The following CDHR2 variants were observed in gnomAD, a reference collection of about 807,000 sequenced individuals.
The protein encoded by CDHR2 is cadherin related family member 2.
CDHR2 carries 104 observed loss-of-function variants against 138.6 expected under a neutral mutation model. That is an observed-to-expected ratio of 0.75 (90% confidence interval 0.64 to 0.88). The LOEUF is 0.88. Ranked by LOEUF, CDHR2 falls within the 40% of genes least tolerant of loss-of-function variation. The pLI is 0.00. For synonymous variants in CDHR2, 755 were observed against 742.8 expected, an observed-to-expected ratio of 1.02 and a Z score of -0.27; for missense variants, 1,624 against 1,727.6, an observed-to-expected ratio of 0.94 and a Z score of 1.06.
chr5:176,578,536 T>A lies in CDHR2; in HGVS notation c.1746T>A (p.Asn582Lys), dbSNP rs748721653. 5 of 1,614,140 alleles carry A rather than the reference T, an allele frequency of 3.1e-6. No homozygotes were observed. Among genetic ancestry groups the A allele is most frequent in the East Asian group, 2.2e-5 (1 of 44,886 alleles). Residue 582 changes from asparagine (N) to lysine (K), a missense_variant, in exon 16 of 32, where the codon AAT becomes AAA. Coordinates refer to ENST00000261944, the MANE Select transcript of CDHR2 (RefSeq NM_017675.6). ...LQIHLLDINDNAPVVSGSYNI... is the reference protein window; with the variant it reads ...LQIHLLDINDKAPVVSGSYNI... ...TCCACCTGCTGGACATCAACGACAA[T>A]GCACCCGTGGTTAGCGGCTCCTACA...
chr5:176,595,518 C>T lies in CDHR2; in HGVS notation c.3793-14C>T. 1.3e-6 allele frequency: 2 copies of T among 1,583,368 alleles called. No individual in the cohort carries two copies. The highest frequency in any genetic ancestry group is 1.7e-6 in the Non-Finnish European group (2 of 1,163,346). On this transcript the variant is annotated splice_polypyrimidine_tract_variant and intron_variant, in intron 31 of 31. Coordinates refer to ENST00000261944, the MANE Select transcript of CDHR2 (RefSeq NM_017675.6). The stretch of plus-strand genomic sequence containing the variant: ...TTGCCTTGCCCTTCACACCTCCTCT[C>T]CCTCTCCCTGCAGGAGCACAGGCCA...
intron 31 of CDHR2, 30 bp downstream of exon 31, chr5:176,592,810 G>T (rs1351669552): frequency 6.2e-7 from 1 of 1,605,536 alleles, no homozygotes; most frequent in South Asian, 1.1e-5. Context: ...GGTGCCTGGA[G>T]GTTCCAACTT....
chr5:176,548,143 A>G (rs1024076373), upstream of CDHR2, among the ~76,000 whole-genome samples: 2 of 152,234 alleles, frequency 1.3e-5, no homozygotes, highest in Non-Finnish European at 2.9e-5. Context: ...TTGTGCATGT[A>G]AACACAGAAA....
chr5:176,571,289 C>T lies in CDHR2; in HGVS notation c.392C>T (p.Thr131Ile). ...APVFQNTAFS[T>I]SINETLPVGS... is the part of the protein sequence containing the mutation. ...GTTTTCCAGAACACCGCTTTCTCCA[C>T]CAGCATCAACGAGGTGACACCTGCC... Residue 131 changes from threonine to isoleucine, a missense_variant, in exon 6 of 32, where the codon ACC (threonine) becomes ATC (isoleucine). Thr to Ile is a moderately conservative substitution (Grantham distance 89). Around this residue, in one of 3 missense-constraint regions of CDHR2, gnomAD observed 1,061 missense variants for 1,136.6 expected, o/e 0.93. Transcript: ENST00000261944. 4 of 1,607,098 alleles carry T rather than the reference C, an allele frequency of 2.5e-6. No homozygotes were observed. Among genetic ancestry groups the T allele is most frequent in the Non-Finnish European group, 2.5e-6 (3 of 1,176,916 alleles).
chr5:176,588,420 A>T lies in CDHR2; in HGVS notation c.2857-611A>T, dbSNP rs1186073670. 3.4e-5 allele frequency among the ~76,000 whole-genome samples: 5 copies of T among 147,070 alleles called. No individual in the cohort carries two copies. The East Asian group carries it at 1.0e-3, about 30-fold the overall frequency. On this transcript the variant is annotated intron_variant, in intron 21 of 31. Transcript: ENST00000261944. ...GAGTGCATGAGAGAGTGAGGGTGTG[A>T]GTGTGTGTGTCAGGATAAGTGTGTG...
intron 5 of CDHR2, among the ~76,000 whole-genome samples, chr5:176,570,520 A>G (rs1164651057): frequency 6.6e-6 from 1 of 152,044 alleles, no homozygotes; most frequent in Non-Finnish European, 1.5e-5. Context: ...CTAATTTTAA[A>G]ATTTTTTGTA....
chr5:176,558,815 C>G (rs955644115), intron 1 of CDHR2, among the ~76,000 whole-genome samples: 9 of 152,166 alleles, frequency 5.9e-5, no homozygotes, highest in African/African-American at 2.2e-4. Context: ...CCACCGCGCC[C>G]GGTTGCTTGC....
At chr5:176,591,669 C>T (rs374957102) in intron 30 of CDHR2, 185 bp downstream of exon 30, 45 of 594,872 alleles carry the variant, frequency 7.6e-5, no homozygotes, top group African/African-American at 6.2e-4. Context: ...GCAATGGTGA[C>T]AGTGGTGATG....
intron 31 of CDHR2, among the ~76,000 whole-genome samples, chr5:176,593,840 G>A (rs564968330): frequency 5.9e-5 from 9 of 152,152 alleles, no homozygotes; most frequent in East Asian, 3.8e-4. Context: ...GGTATAACAC[G>A]GTACAGGGAA....
intron 1 of CDHR2, among the ~76,000 whole-genome samples, chr5:176,558,532 T>G (rs1199956540): frequency 2.0e-5 from 3 of 151,770 alleles, no homozygotes; most frequent in African/African-American, 7.3e-5. Flanking sequence ...TACAGGCATG[T>G]GCCACCACGC....
rs1425026909 is a variant in CDHR2, at chr5:176,577,539, G to A, written c.1335G>A (p.Thr445=). The change falls in exon 13 of 32, where the codon ACG becomes ACA. Residue 445 remains threonine (T), a synonymous_variant. Transcript: ENST00000261944. ...CGCTGGTGGACTACGAGAGGCAGAC[G>A]GCGATGGCGGTGCAGGTGAGGGCTG... is the stretch of plus-strand genomic sequence containing the variant. ...VSALVDYERQ[T]AMAVQVVATD... The A allele has an allele frequency of 6.2e-6, 10 of 1,613,498 alleles. No individual in the cohort carries two copies. Among genetic ancestry groups the A allele is most frequent in the Middle Eastern group, 1.6e-4 (1 of 6,082 alleles).
At position 176,577,409 on chromosome 5, in the gene CDHR2, G is replaced by A; in HGVS notation, c.1205G>A (p.Gly402Asp). Reference protein sequence around the residue: ...VVYDPDKGSNGTFLLSLGGPD... With the variant: ...VVYDPDKGSNDTFLLSLGGPD... ...AGCCCACCTTTACAGGGCAGCAATG[G>A]CACCTTCCTGTTGTCGCTGGGGGGC... Residue 402 changes from glycine to aspartate, a missense_variant, in exon 13 of 32, where the codon GGC (glycine) becomes GAC (aspartate). Transcript: ENST00000261944. 6.2e-7 allele frequency: 1 copy of A among 1,608,558 alleles called. No individual in the cohort carries two copies. Among genetic ancestry groups the A allele is most frequent in the Non-Finnish European group, 8.5e-7 (1 of 1,178,206 alleles).
At chr5:176,558,644 C>CA (rs1757896096) in intron 1 of CDHR2, among the ~76,000 whole-genome samples, 1 of 152,140 alleles carries the variant, frequency 6.6e-6, no homozygotes, top group Non-Finnish European at 1.5e-5. Context: ...CTCAGCCTCC[C>CA]AAAGTGCTGG....
chr5:176,584,444 G>A lies in CDHR2; in HGVS notation c.2163G>A (p.Ala721=), dbSNP rs143589843. 81 of 1,603,266 alleles carry A rather than the reference G, an allele frequency of 5.1e-5. No homozygotes were observed. The highest frequency in any genetic ancestry group is 4.7e-4 in the African/African-American group (35 of 74,838). Residue 721 remains alanine, a synonymous_variant, in exon 19 of 32, where the codon GCG becomes GCA. Transcript: ENST00000261944. ...VLVGVVKAWD[A]DQTEANNRIS... ...TGGGCGTGGTGAAGGCCTGGGACGCGGACCAGACGGAAGCCAACAACCGCA... is the reference window on the plus strand; with the variant it reads ...TGGGCGTGGTGAAGGCCTGGGACGCAGACCAGACGGAAGCCAACAACCGCA...
intron 24 of CDHR2, 79 bp from the exon 25 acceptor site, chr5:176,589,999 T>A (rs1227086452): frequency 8.5e-7 from 1 of 1,169,632 alleles, no homozygotes; most frequent in Admixed American, 1.7e-5. Context: ...CTCATACAAT[T>A]CTTAATCCCA....
chr5:176,594,555 C>A (rs544407641), intron 31 of CDHR2, among the ~76,000 whole-genome samples: 1 of 152,314 alleles, frequency 6.6e-6, no homozygotes, highest in South Asian at 2.1e-4. Flanking sequence ...CAGACCAGAA[C>A]CCAGGTCTTT....
At chr5:176,595,488 C>T (rs1759003726) in intron 31 of CDHR2, 44 bp from the exon 32 acceptor site, 2 of 1,526,894 alleles carry the variant, frequency 1.3e-6, no homozygotes, top group Non-Finnish European at 1.8e-6. Context: ...GGCACTCGCC[C>T]CACCTTGCCT....
Position 176,590,076 on chromosome 5 carries a change from A to G in CDHR2, c.3207-2A>G. 1.9e-6 allele frequency: 3 copies of G among 1,613,318 alleles called. No homozygotes were observed. Among genetic ancestry groups the G allele is most frequent in the Non-Finnish European group, 2.5e-6 (3 of 1,179,452 alleles). On this transcript the variant is annotated splice_acceptor_variant, in intron 24 of 31. Coordinates refer to ENST00000261944, the MANE Select transcript of CDHR2 (RefSeq NM_017675.6). LOFTEE classifies it high-confidence loss of function. ...CCTCTGTGACATCTGCCTTCTTTGCAGGGCTCTTACCCAGGCAACCAGGAC... is the reference window on the plus strand; with the variant it reads ...CCTCTGTGACATCTGCCTTCTTTGCGGGGCTCTTACCCAGGCAACCAGGAC...
intron 1 of CDHR2, among the ~76,000 whole-genome samples, chr5:176,560,977 G>A (rs1454174918): frequency 1.5e-5 from 1 of 66,032 alleles, no homozygotes; most frequent in African/African-American, 3.2e-5. Context: ...ATCTCTGACT[G>A]TCTAGGGCAC....
Sources: gnomAD v4.1 joint callset for allele counts (sites outside exome capture counted in the v4.1 genomes callset) on GRCh38, gnomAD v4.1.1 for gene constraint, gnomAD v4.1.1 regional missense constraint, MANE v1.5 for transcripts, NCBI Gene and HGNC (gene_info 2026-07-23, HGNC 2026-07-21) for gene names.